The following RPS6KC1 variants were observed in gnomAD, a reference collection of about 807,000 sequenced individuals.
The protein encoded by RPS6KC1 is ribosomal protein S6 kinase C1.
Under a neutral mutation model 103.8 loss-of-function variants are expected in RPS6KC1, and 54 were observed. The ratio of observed to expected loss-of-function variants is 0.52; its 90% CI spans 0.42 to 0.65. The LOEUF (loss-of-function observed/expected upper bound fraction) is 0.65, where lower values mean the gene tolerates loss of function less well. Ranked by LOEUF, RPS6KC1 falls within the 30% of genes least tolerant of loss-of-function variation. The pLI is 0.00. For missense variants in RPS6KC1, 1,151 were observed against 1,253.8 expected, an observed-to-expected ratio of 0.92 and a Z score of 1.24; for synonymous variants, 439 against 438.7, an observed-to-expected ratio of 1.00 and a Z score of -0.01.
At chr1:213,396,541 C>G in the RPS6KC1 span, among the ~76,000 whole-genome samples, 1 of 152,302 alleles carries the variant, frequency 6.6e-6, no homozygotes, top group African/African-American at 2.4e-5. Context: ...CCCTCCTTGC[C>G]CTTCCCTGTA....
chr1:213,662,042 T>G, the RPS6KC1 span, among the ~76,000 whole-genome samples: 2 of 152,186 alleles, frequency 1.3e-5, no homozygotes, highest in East Asian at 3.9e-4. Context: ...AATCTCTTAC[T>G]GGTATAAATA....
At chr1:213,211,409 G>A (rs1325208331) in intron 8 of RPS6KC1, among the ~76,000 whole-genome samples, 1 of 152,182 alleles carries the variant, frequency 6.6e-6, no homozygotes, top group Non-Finnish European at 1.5e-5. Context: ...AGCTTTTAAA[G>A]CATTTGGATC....
the RPS6KC1 span, among the ~76,000 whole-genome samples, chr1:213,406,525 A>C: frequency 6.6e-6 from 1 of 152,088 alleles, no homozygotes; most frequent in Non-Finnish European, 1.5e-5. Flanking sequence ...GCCCCTGGAG[A>C]GGTGGAGCTG....
intron 2 of RPS6KC1, among the ~76,000 whole-genome samples, chr1:213,071,425 G>C (rs926381777): frequency 6.6e-6 from 1 of 152,072 alleles, no homozygotes; most frequent in Non-Finnish European, 1.5e-5. Context: ...CACTGTGCCT[G>C]GCCTGTACAT....
intron 3 of RPS6KC1, among the ~76,000 whole-genome samples, chr1:213,097,145 G>A (rs2081534905): frequency 6.6e-6 from 1 of 152,178 alleles, no homozygotes; most frequent in Non-Finnish European, 1.5e-5. Flanking sequence ...CACGAGGTCA[G>A]GAGTTCAAGA....
At chr1:213,295,019 C>CT in the RPS6KC1 span, among the ~76,000 whole-genome samples, 1 of 152,014 alleles carries the variant, frequency 6.6e-6, no homozygotes, top group South Asian at 2.1e-4. Flanking sequence ...GGGTCTTGAA[C>CT]TGGAGGTCAT....
At chr1:213,528,687 T>C in the RPS6KC1 span, among the ~76,000 whole-genome samples, 8 of 152,204 alleles carry the variant, frequency 5.3e-5, no homozygotes, top group African/African-American at 1.9e-4. Flanking sequence ...AGGATGTTGA[T>C]TTAATGTCAT....
chr1:213,783,444 G>C, the RPS6KC1 span, among the ~76,000 whole-genome samples: 3 of 152,138 alleles, frequency 2.0e-5, no homozygotes, highest in Non-Finnish European at 4.4e-5. Context: ...CAGAAAGGCC[G>C]ACAAAAGGCA....
chr1:213,635,506 A>T, the RPS6KC1 span, among the ~76,000 whole-genome samples: 1 of 152,320 alleles, frequency 6.6e-6, no homozygotes, highest in South Asian at 2.1e-4. Flanking sequence ...AAACAGAACC[A>T]ATGACAAAAA....
chr1:213,826,823 G>C, the RPS6KC1 span, among the ~76,000 whole-genome samples: 2 of 152,170 alleles, frequency 1.3e-5, no homozygotes, highest in African/African-American at 4.8e-5. Context: ...CAAAGGCATA[G>C]AAAAGTTAAG....
At chr1:213,276,437 G>A (rs985351834), downstream of RPS6KC1, among the ~76,000 whole-genome samples, 8 of 152,190 alleles carry the variant, frequency 5.3e-5, no homozygotes, top group Non-Finnish European at 8.8e-5. Context: ...AAAGTCTAGA[G>A]TGGTGTCCTG....
At chr1:213,756,688 G>A in the RPS6KC1 span, among the ~76,000 whole-genome samples, 1 of 151,932 alleles carries the variant, frequency 6.6e-6, no homozygotes, top group Non-Finnish European at 1.5e-5. Flanking sequence ...TGCAATCTTG[G>A]CTCACTGCAG....
chr1:213,327,040 C>CTT, the RPS6KC1 span, among the ~76,000 whole-genome samples: 7 of 136,840 alleles, frequency 5.1e-5, no homozygotes, highest in Middle Eastern at 3.8e-3. Flanking sequence ...TTTTCTTTTT[C>CTT]TTTTTTTTTT....
the RPS6KC1 span, among the ~76,000 whole-genome samples, chr1:213,328,504 CTATATATATATATATATATA>C: frequency 3.7e-4 from 38 of 101,464 alleles, no homozygotes; most frequent in East Asian, 3.3e-3. Context: ...AGCCATTATA[CTATATATATATATATATATA>C]TATATATATA....
intron 4 of RPS6KC1, among the ~76,000 whole-genome samples, chr1:213,107,415 A>G (rs912307761): frequency 2.6e-5 from 4 of 152,212 alleles, no homozygotes; most frequent in African/African-American, 7.2e-5. Context: ...TGTTCACAAC[A>G]TAAGTATATA....
chr1:213,860,526 A>G, the RPS6KC1 span, among the ~76,000 whole-genome samples: 3 of 152,296 alleles, frequency 2.0e-5, no homozygotes, highest in Admixed American at 2.0e-4. Context: ...AGAAAGCACC[A>G]TGGAAGCTCA....
At chr1:213,846,701 T>C in the RPS6KC1 span, among the ~76,000 whole-genome samples, 1 of 152,194 alleles carries the variant, frequency 6.6e-6, no homozygotes, top group African/African-American at 2.4e-5. Flanking sequence ...CACTCATCTA[T>C]ATCATATATA....
chr1:213,724,562 G>A, the RPS6KC1 span, among the ~76,000 whole-genome samples: 7 of 152,110 alleles, frequency 4.6e-5, no homozygotes, highest in Admixed American at 1.3e-4. Context: ...GCATTCACCC[G>A]ACAGCCTAGG....
the RPS6KC1 span, among the ~76,000 whole-genome samples, chr1:213,617,542 A>ATTGGAAGCTTATTATGAGTGGG: frequency 1.3e-5 from 2 of 152,216 alleles, no homozygotes; most frequent in Non-Finnish European, 2.9e-5. Flanking sequence ...ATAGTTAAAT[A>ATTGGAAGCTTATTATGAGTGGG]TTGGAAGCTT....
Sources: allele counts gnomAD v4.1 joint callset (sites outside exome capture counted in the v4.1 genomes callset), GRCh38; gene constraint gnomAD v4.1.1; transcripts MANE v1.5; gene names NCBI Gene and HGNC (gene_info 2026-07-23, HGNC 2026-07-21).